Variants in PCDHGA2 observed in about 807,000 individuals in gnomAD.
PCDHGA2 encodes the protein protocadherin gamma subfamily A, 2, also known as protocadherin gamma-A2.
PCDHGA2 carries 40 observed loss-of-function variants against 59.2 expected under a neutral mutation model. The ratio of observed to expected loss-of-function variants is 0.68; its 90% CI spans 0.52 to 0.88. The LOEUF is 0.88. Ranked by LOEUF, PCDHGA2 falls within the 40% of genes least tolerant of loss-of-function variation. PCDHGA2 has a pLI of 0.00. For synonymous variants in PCDHGA2, 560 were observed against 526.0 expected (o/e 1.06, Z -0.89); for missense variants, 1,226 against 1,204.0 (o/e 1.02, Z -0.27).
At chr5:141,385,577 T>A in intron 1 of PCDHGA2, 1 of 1,290,108 alleles carries the variant, frequency 7.8e-7, no homozygotes, top group Non-Finnish European at 9.8e-7. Context: ...TACTTTCCAA[T>A]CTATGTTCCA....
chr5:141,392,862 T>C (rs1334405895), intron 1 of PCDHGA2: 2 of 1,612,696 alleles, frequency 1.2e-6, no homozygotes, highest in Non-Finnish European at 1.7e-6. Flanking sequence ...GATCCTGCTG[T>C]GCGCGCTGCT....
intron 1 of PCDHGA2, among the ~76,000 whole-genome samples, chr5:141,463,809 T>G (rs964935762): frequency 1.3e-5 from 2 of 152,216 alleles, no homozygotes; most frequent in African/African-American, 4.8e-5. Context: ...TAAAAGCTTT[T>G]ATCACACATT....
At position 141,447,890 on chromosome 5, in the gene PCDHGA2, A is replaced by AC. The variant is rs1252174829; in HGVS notation, c.2425-46917_2425-46916insC. On this transcript the variant is annotated intron_variant, in intron 1 of 3. Transcript: ENST00000394576. ...CATCTGAGGTCAGGAGTTCGAGACCAGCCTGGCCAACATGGTGAAACTCTG... is the reference window on the plus strand; with the variant it reads ...CATCTGAGGTCAGGAGTTCGAGACCACGCCTGGCCAACATGGTGAAACTCTG... 1.3e-5 allele frequency among the ~76,000 whole-genome samples: 2 copies of AC among 152,146 alleles called. 1 individual carries two copies. The highest frequency in any genetic ancestry group is 4.8e-5 in the African/African-American group (2 of 41,434).
intron 1 of PCDHGA2, among the ~76,000 whole-genome samples, chr5:141,429,377 G>GT (rs566693637): frequency 0.17 from 24,737 of 149,382 alleles, 2,566 homozygotes; most frequent in African/African-American, 0.31. Context: ...GAGAAAATGT[G>GT]TTTTTTTTTT....
intron 1 of PCDHGA2, chr5:141,361,915 G>T: frequency 6.2e-7 from 1 of 1,608,488 alleles, no homozygotes; most frequent in Non-Finnish European, 8.5e-7. Flanking sequence ...GGTGGTGGCG[G>T]TGGACGCAGA....
chr5:141,353,696 T>A (rs1189851065), intron 1 of PCDHGA2, among the ~76,000 whole-genome samples: 1 of 152,250 alleles, frequency 6.6e-6, no homozygotes, highest in East Asian at 1.9e-4. Context: ...GCGTTTTCCA[T>A]ACTTCTTGTT....
At chr5:141,460,985 A>G (rs553462661) in intron 1 of PCDHGA2, among the ~76,000 whole-genome samples, 245 of 91,804 alleles carry the variant, frequency 2.7e-3, no homozygotes, top group Middle Eastern at 5.0e-3. Context: ...GTGTGTGTGT[A>G]TATATATATA....
Position 141,476,013 on chromosome 5 carries a change from G to A in PCDHGA2, c.2425-18794G>A. ...AAATCAACGGCATCCAGAAAGCCAT[G>A]TCGGACTCGGCGCCCAGCGCCCAAG... On this transcript the variant is annotated intron_variant, in intron 1 of 3. Coordinates refer to ENST00000394576, the MANE Select transcript of PCDHGA2 (RefSeq NM_018915.4). The surrounding 1 kb of genome is among the most constrained non-coding windows in gnomAD (Gnocchi z 7.6). The A allele has an allele frequency of 7.5e-7, 1 of 1,334,720 alleles. No individual in the cohort carries two copies. The highest frequency in any genetic ancestry group is 1.0e-6 in the Non-Finnish European group (1 of 983,502). 82.7% of individuals were successfully genotyped at this position (1,334,720 alleles called of 1,614,324 possible). A position where few individuals can be genotyped will look rare whatever the true frequency, so the allele number is the denominator to read the frequency against.
chr5:141,491,119 G>A lies in PCDHGA2; in HGVS notation c.2425-3688G>A. 6.2e-7 allele frequency: 1 copy of A among 1,614,216 alleles called. No individual in the cohort carries two copies. The highest frequency in any genetic ancestry group is 1.1e-5 in the South Asian group (1 of 91,086). ...GTTCCTCGTGTCTACACACACTGGT[G>A]AGGTGCGCACAGCCCGGGCCTTACT... On this transcript the variant is annotated intron_variant, in intron 1 of 3. Transcript: ENST00000394576. The surrounding 1 kb of genome is among the most constrained non-coding windows in gnomAD (Gnocchi z 6.9).
At chr5:141,408,302 C>G (rs1017556555) in intron 1 of PCDHGA2, 1 of 1,613,662 alleles carries the variant, frequency 6.2e-7, no homozygotes. Flanking sequence ...TGAGCCGATC[C>G]GCTACTCGAT....
chr5:141,467,376 A>G (rs1391386659), intron 1 of PCDHGA2, among the ~76,000 whole-genome samples: 2 of 151,990 alleles, frequency 1.3e-5, no homozygotes. Flanking sequence ...CTTATATTGC[A>G]TTTAGGTTTT....
intron 1 of PCDHGA2, among the ~76,000 whole-genome samples, chr5:141,464,094 G>A (rs540562188): frequency 7.4e-4 from 112 of 151,988 alleles, no homozygotes; most frequent in Non-Finnish European, 1.1e-3. Context: ...GTGAAACTCC[G>A]TCTCTACTAA....
chr5:141,379,889 C>CTTTTGTTTTTTTTT (rs1775942254), intron 1 of PCDHGA2, among the ~76,000 whole-genome samples: 1 of 50,830 alleles, frequency 2.0e-5, no homozygotes, highest in African/African-American at 6.6e-5. Context: ...GTGAAAGCCT[C>CTTTTGTTTTTTTTT]TTTTTTTTTT....
chr5:141,377,430 T>C (rs1308051444), intron 1 of PCDHGA2: 1 of 151,886 alleles, frequency 6.6e-6, no homozygotes, highest in Non-Finnish European at 1.5e-5. Context: ...ACTCTGTCTC[T>C]ACCAAAAAGA....
chr5:141,454,088 T>C (rs2154564493), intron 1 of PCDHGA2, among the ~76,000 whole-genome samples: 1 of 152,342 alleles, frequency 6.6e-6, no homozygotes. Context: ...CAGTGAAATT[T>C]GAATTGAACA....
intron 1 of PCDHGA2, chr5:141,371,387 T>A: frequency 6.2e-7 from 1 of 1,613,964 alleles, no homozygotes; most frequent in Non-Finnish European, 8.5e-7. Flanking sequence ...CTGCATATTG[T>A]AAAGTACAGA....
chr5:141,511,267 C>G lies in PCDHGA2; in HGVS notation c.*94C>G. The G allele has an allele frequency of 6.5e-7, 1 of 1,549,404 alleles. No homozygotes were observed. The highest frequency in any genetic ancestry group is 8.7e-7 in the Non-Finnish European group (1 of 1,146,836). On this transcript the variant is annotated 3_prime_UTR_variant, in exon 4 of 4. Coordinates refer to ENST00000394576, the MANE Select transcript of PCDHGA2 (RefSeq NM_018915.4). Reference sequence around the variant, plus strand: ...CCAGGCCTCAGAGTTTCAGGGCTAACCCCCAGAATACTGGTAGGGGCCAAG... The same window carrying G: ...CCAGGCCTCAGAGTTTCAGGGCTAAGCCCCAGAATACTGGTAGGGGCCAAG...
At chr5:141,413,034 G>C in intron 1 of PCDHGA2, 1 of 783,270 alleles carries the variant, frequency 1.3e-6, no homozygotes, top group East Asian at 2.8e-5. Context: ...CAAACCGGCT[G>C]CTGGGCTGCA....
rs1423639578 is a variant in PCDHGA2, at chr5:141,383,107, G to T, written c.2424+41712G>T. The T allele has an allele frequency of 3.1e-6, 5 of 1,613,914 alleles. No individual in the cohort carries two copies. In the East Asian group the frequency reaches 6.7e-5, roughly 22 times the overall value. Reference sequence around the variant, plus strand: ...GCGCGGAGTCCGCATCATCTCCAGAGGTAGGACGCAGCTTTTCGCCCTGAA... The same window carrying T: ...GCGCGGAGTCCGCATCATCTCCAGATGTAGGACGCAGCTTTTCGCCCTGAA... On this transcript the variant is annotated intron_variant, in intron 1 of 3. Coordinates refer to ENST00000394576, the MANE Select transcript of PCDHGA2 (RefSeq NM_018915.4).
Sources: gnomAD v4.1 joint callset for allele counts (sites outside exome capture counted in the v4.1 genomes callset) on GRCh38, gnomAD v4.1.1 for gene constraint, Gnocchi (gnomAD v3.1) non-coding constraint, MANE v1.5 for transcripts, NCBI Gene and HGNC (gene_info 2026-07-23, HGNC 2026-07-21) for gene names.